PCDHGA4: variants seen among roughly 807,000 people sequenced by gnomAD.
The protein encoded by PCDHGA4 is protocadherin gamma subfamily A, 4, also known as protocadherin gamma-A4.
In PCDHGA4, 38 loss-of-function variants were observed where a neutral mutation model predicts 54.6. That is an observed-to-expected ratio of 0.70 (90% CI 0.54 to 0.91). The LOEUF is 0.91. Ranked by LOEUF, PCDHGA4 falls within the 40% of genes least tolerant of loss-of-function variation. The pLI is 0.00. For missense variants in PCDHGA4, 1,298 were observed against 1,220.9 expected (o/e 1.06, Z -0.94); for synonymous variants, 511 against 512.9 (o/e 1.00, Z 0.05).
At chr5:141,497,568 C>G (rs1012946741) in intron 2 of PCDHGA4, among the ~76,000 whole-genome samples, 2 of 140,602 alleles carry the variant, frequency 1.4e-5, no homozygotes, top group African/African-American at 5.4e-5. Flanking sequence ...TAGACAGAGT[C>G]TTGCTCTGTT....
chr5:141,366,266 G>C (rs1014933070), intron 1 of PCDHGA4: 8 of 1,613,680 alleles, frequency 5.0e-6, no homozygotes, highest in Non-Finnish European at 6.8e-6. Flanking sequence ...CGTGGTGGCC[G>C]TCGAAGACCA....
intron 1 of PCDHGA4, chr5:141,390,549 T>A (rs1258668887): frequency 2.1e-6 from 1 of 482,262 alleles, no homozygotes; most frequent in Non-Finnish European, 3.7e-6. Context: ...AAAGTGAAAG[T>A]GTTAGACAGT....
intron 1 of PCDHGA4, among the ~76,000 whole-genome samples, chr5:141,465,779 GT>G (rs879859429): frequency 5.2e-4 from 76 of 145,138 alleles, no homozygotes; most frequent in South Asian, 1.1e-3. Flanking sequence ...TCTTGTTACA[GT>G]TTTTTTTTTT....
intron 1 of PCDHGA4, chr5:141,364,169 C>A: frequency 1.3e-6 from 1 of 765,758 alleles, no homozygotes; most frequent in Non-Finnish European, 1.9e-6. Flanking sequence ...GGCGACCCGA[C>A]TCTGCTCCCT....
intron 1 of PCDHGA4, among the ~76,000 whole-genome samples, chr5:141,359,513 A>G (rs573268239): frequency 5.3e-5 from 8 of 151,392 alleles, no homozygotes; most frequent in African/African-American, 1.9e-4. Flanking sequence ...TAACTATATT[A>G]TGGGCCACTA....
At position 141,356,657 on chromosome 5, in the gene PCDHGA4, G is replaced by A. The variant is rs769198002; in HGVS notation, c.1550G>A (p.Arg517Gln). 5.0e-6 allele frequency: 8 copies of A among 1,613,976 alleles called. No homozygotes were observed. Among genetic ancestry groups the A allele is most frequent in the Non-Finnish European group, 6.8e-6 (8 of 1,179,910 alleles). ...AQDPDSGDNA[R>Q]ITYSLAEDTF... is the part of the protein sequence containing the mutation. ...GACCCTGACAGTGGTGACAATGCCC[G>A]AATCACTTACTCCCTGGCCGAAGAC... The change falls in exon 1 of 4, where the codon CGA becomes CAA. Residue 517 changes from arginine to glutamine, a missense_variant. Arg to Gln is a conservative substitution (Grantham distance 43). Coordinates refer to ENST00000571252, the MANE Select transcript of PCDHGA4 (RefSeq NM_018917.4).
chr5:141,376,676 G>GC (rs1773026765), intron 1 of PCDHGA4: 1 of 275,812 alleles, frequency 3.6e-6, no homozygotes, highest in Non-Finnish European at 6.2e-6. Context: ...TGAGGGTATC[G>GC]TTTTTTTTTT....
At position 141,389,758 on chromosome 5, in the gene PCDHGA4, G is replaced by T. The variant is rs201153580; in HGVS notation, c.2514+32137G>T. On this transcript the variant is annotated intron_variant, in intron 1 of 3. Transcript: ENST00000571252. Reference sequence around the variant, plus strand: ...CTGGGGCTGCGCACGGGCGAAGTGCGCACAGCGCGTGCCTTAGGCGACAGG... The same window carrying T: ...CTGGGGCTGCGCACGGGCGAAGTGCTCACAGCGCGTGCCTTAGGCGACAGG... The T allele has an allele frequency of 1.4e-4, 224 of 1,612,792 alleles. No homozygotes were observed. The African/African-American group carries it at 2.7e-3, about 19-fold the overall frequency.
intron 1 of PCDHGA4, chr5:141,364,978 T>C (rs753013611): frequency 1.9e-5 from 31 of 1,613,774 alleles, no homozygotes; most frequent in Admixed American, 5.0e-5. Context: ...CAGCTTTAGA[T>C]GGCGGAGACC....
At chr5:141,505,345 G>C (rs776607130) in intron 2 of PCDHGA4, 48 bp from the exon 3 acceptor site, 3 of 1,613,086 alleles carry the variant, frequency 1.9e-6, no homozygotes, top group Non-Finnish European at 2.5e-6. Flanking sequence ...AGGGGCATGA[G>C]CTGTGCCGGC....
At chr5:141,367,000 T>G (rs990183992) in intron 1 of PCDHGA4, 4 of 452,734 alleles carry the variant, frequency 8.8e-6, no homozygotes, top group Non-Finnish European at 1.5e-5. Context: ...AATATAATCA[T>G]TTTACCCAAA....
chr5:141,361,482 C>A (rs759187963), intron 1 of PCDHGA4: 4 of 1,613,988 alleles, frequency 2.5e-6, no homozygotes, highest in Non-Finnish European at 3.4e-6. Flanking sequence ...ACGATAATGC[C>A]CCAGTTTTCC....
At chr5:141,413,622 T>C (rs1561743710) in intron 1 of PCDHGA4, 2 of 1,613,760 alleles carry the variant, frequency 1.2e-6, no homozygotes, top group Non-Finnish European at 1.7e-6. Flanking sequence ...TTAATGAAAA[T>C]GTCGCTGCGG....
intron 1 of PCDHGA4, chr5:141,442,166 A>G (rs2098306007): frequency 6.4e-6 from 1 of 156,354 alleles, no homozygotes; most frequent in Non-Finnish European, 1.4e-5. Flanking sequence ...TCACTCTGCA[A>G]AGCTACAGCC....
At position 141,356,324 on chromosome 5, in the gene PCDHGA4, A is replaced by C. The variant is rs1206704066; in HGVS notation, c.1217A>C (p.Asp406Ala). 3.2e-6 allele frequency: 5 copies of C among 1,554,266 alleles called. No individual in the cohort carries two copies. The East Asian group carries it at 1.2e-4, about 38-fold the overall frequency. ...VIALFNVHDS[D>A]SGGNGLVTCS... ...GCACTTTTCAACGTGCATGACAGTG[A>C]CTCAGGAGGAAATGGCCTAGTCACA... The change falls in exon 1 of 4, where the codon GAC becomes GCC. Residue 406 changes from aspartate to alanine, a missense_variant. Coordinates refer to ENST00000571252, the MANE Select transcript of PCDHGA4 (RefSeq NM_018917.4).
At chr5:141,503,023 A>T (rs1163676028) in intron 2 of PCDHGA4, among the ~76,000 whole-genome samples, 1 of 141,884 alleles carries the variant, frequency 7.0e-6, no homozygotes, top group African/African-American at 2.6e-5. Context: ...TTTTTTTTTT[A>T]ATATCTATTT....
rs774439162 is a variant in PCDHGA4 at position 141,360,155 on chromosome 5, G to T, written c.2514+2534G>T. 2.5e-6 allele frequency: 4 copies of T among 1,603,962 alleles called. No individual in the cohort carries two copies. In the South Asian group the frequency reaches 4.5e-5, roughly 18 times the overall value. On this transcript the variant is annotated intron_variant, in intron 1 of 3. Transcript: ENST00000571252. The stretch of plus-strand genomic sequence containing the variant: ...CAGAAGATGAAAGCGAGCTCAGGGA[G>T]GTGCGGGCTGGTGCGGTGGCTGCAG...
Position 141,489,565 on chromosome 5 carries a change from G to C in PCDHGA4, c.2515-5242G>C. The C allele has an allele frequency of 6.2e-7, 1 of 1,614,118 alleles. No homozygotes were observed. ...CAGCTGCCTGCTGCCAGTGCAGGTGGTGACTGAACACCCCCTGGAGCTAAT... is the reference window on the plus strand; with the variant it reads ...CAGCTGCCTGCTGCCAGTGCAGGTGCTGACTGAACACCCCCTGGAGCTAAT... On this transcript the variant is annotated intron_variant, in intron 1 of 3. Coordinates refer to ENST00000571252, the MANE Select transcript of PCDHGA4 (RefSeq NM_018917.4). This position sits in a 1 kb window ranked among gnomAD's most constrained non-coding sequence, Gnocchi z 4.5.
chr5:141,410,849 C>CTTTTTTTTTGTTTTTTTT (rs2095433801), intron 1 of PCDHGA4: 1 of 129,786 alleles, frequency 7.7e-6, no homozygotes, highest in African/African-American at 6.0e-5. Context: ...TTGTCTTTGT[C>CTTTTTTTTTGTTTTTTTT]TTTTTTTTTT....
Sources: gnomAD v4.1 joint callset for allele counts (sites outside exome capture counted in the v4.1 genomes callset) on GRCh38, gnomAD v4.1.1 for gene constraint, Gnocchi (gnomAD v3.1) non-coding constraint, MANE v1.5 for transcripts, NCBI Gene and HGNC (gene_info 2026-07-23, HGNC 2026-07-21) for gene names.